The following LRRC57 variants were observed in gnomAD, a reference collection of about 807,000 sequenced individuals.
The protein encoded by LRRC57 is leucine rich repeat containing 57.
In LRRC57, 14 loss-of-function variants were observed where a neutral mutation model predicts 23.1. The observed-to-expected ratio is 0.61, with a 90% CI of 0.40 to 0.95. The LOEUF (loss-of-function observed/expected upper bound fraction) is 0.95. Ranked by LOEUF, LRRC57 falls within the 40% of genes least tolerant of loss-of-function variation. The probability of loss-of-function intolerance (pLI) is 0.00; values close to 1 mark genes in which losing one functional copy is unlikely to be tolerated. For synonymous variants in LRRC57, 106 were observed against 115.2 expected (o/e 0.92, Z 0.51); for missense variants, 236 against 284.4 (o/e 0.83, Z 1.22).
In LRRC57 at chr15:42,548,095, G is replaced by A. The variant is rs746555142; in HGVS notation, c.223+11C>T. 8.1e-6 allele frequency: 13 copies of A among 1,613,796 alleles called. No homozygotes were observed. Among genetic ancestry groups the A allele is most frequent in the African/African-American group, 1.3e-5 (1 of 74,916 alleles). ...GATCACTAGCAAAAGCCTCCCTGGC[G>A]AGAGCCATACTCAGTTTGTTGTTGT... On this transcript the variant is annotated intron_variant, in intron 3 of 5. Coordinates refer to ENST00000397130, the MANE Select transcript of LRRC57 (RefSeq NM_153260.3).
At chr15:42,548,522 GC>G in intron 1 of LRRC57, 66 bp from the exon 2 acceptor site, 1 of 1,330,442 alleles carries the variant, frequency 7.5e-7, no homozygotes, top group Non-Finnish European at 1.0e-6. Context: ...TGGGGCTCCT[GC>G]CCCAGCTCTC....
chr15:42,538,526 T>TG lies in LRRC57; in HGVS notation c.*5556dup, dbSNP rs1314005123. ...TCCAGCCTCAGGCCTCCTCAATAGC[T>TG]GGGACTATAGATGCCTGCCTCTGCC... On this transcript the variant is annotated 3_prime_UTR_variant, in exon 6 of 6. Coordinates refer to ENST00000397130, the MANE Select transcript of LRRC57 (RefSeq NM_153260.3). 6.6e-6 allele frequency: 1 copy of TG among 152,122 alleles called. No homozygotes were observed. The highest frequency in any genetic ancestry group is 1.5e-5 in the Non-Finnish European group (1 of 68,034). 9.4% of individuals were successfully genotyped at this position (152,122 alleles called of 1,614,324 possible).
At chr15:42,544,181 G>T in intron 5 of LRRC57, 57 bp from the exon 6 acceptor site, 1 of 1,361,208 alleles carries the variant, frequency 7.3e-7, no homozygotes, top group Non-Finnish European at 1.0e-6. Context: ...ATAAATATAA[G>T]CCTAACTATT....
At chr15:42,547,922 A>G in intron 3 of LRRC57, 184 bp downstream of exon 3, 1 of 615,890 alleles carries the variant, frequency 1.6e-6, no homozygotes, top group Non-Finnish European at 2.8e-6. Flanking sequence ...ATAACACCCA[A>G]TCATTATAAG....
the LRRC57 span, chr15:42,531,550 G>A: frequency 3.2e-6 from 4 of 1,255,334 alleles, no homozygotes; most frequent in African/African-American, 6.0e-5. Flanking sequence ...CCTTTTCAGA[G>A]TTTAAGTTTT....
Position 42,548,204 on chromosome 15 carries a change from G to T in LRRC57, c.125C>A (p.Thr42Asn). The T allele has an allele frequency of 6.2e-7, 1 of 1,614,186 alleles. No homozygotes were observed. Among genetic ancestry groups the T allele is most frequent in the Non-Finnish European group, 8.5e-7 (1 of 1,180,028 alleles). The change falls in exon 3 of 6, where the codon ACC becomes AAC. Residue 42 changes from threonine to asparagine, a missense_variant. By Grantham distance (65) the Thr-to-Asn change is moderately conservative. Transcript: ENST00000397130. ...GATCTTGTTGTTGGACAAGTCGATGGTCCTGAGATTGCTCGTCAGCTTCTG... is the reference window on the plus strand; with the variant it reads ...GATCTTGTTGTTGGACAAGTCGATGTTCCTGAGATTGCTCGTCAGCTTCTG... ...DLQKLTSNLR[T>N]IDLSNNKIES...
rs186703343 is a variant in LRRC57 at position 42,543,243 on chromosome 15, A to G, written c.*840T>C. ...GAGACAGAGTCTCACTCTGTCACCC[A>G]CGCTGGAGTACAGTGGCATAATCTC... On this transcript the variant is annotated 3_prime_UTR_variant, in exon 6 of 6. Coordinates refer to ENST00000397130, the MANE Select transcript of LRRC57 (RefSeq NM_153260.3). The G allele has an allele frequency of 2.7e-5, 4 of 147,864 alleles. No individual in the cohort carries two copies. The highest frequency in any genetic ancestry group is 1.0e-4 in the African/African-American group (4 of 39,990). 9.2% of individuals were successfully genotyped at this position (147,864 alleles called of 1,614,324 possible).
rs918004723 is a variant in LRRC57, at chr15:42,541,858, C to G, written c.*2225G>C. 12 of 150,844 alleles carry G rather than the reference C, an allele frequency of 8.0e-5. No homozygotes were observed. Among genetic ancestry groups the G allele is most frequent in the African/African-American group, 2.9e-4 (12 of 41,044 alleles). The allele number at this position is 150,844 out of a possible 1,614,324, so 9.3% of individuals were successfully genotyped here. A position where few individuals can be genotyped will look rare whatever the true frequency, so the allele number is the denominator to read the frequency against. Reference sequence around the variant, plus strand: ...CACTGCAAGCTCCGCCTCCCGGGTTCACGCCATTCTCCTGCCTCAGCCTCC... The same window carrying G: ...CACTGCAAGCTCCGCCTCCCGGGTTGACGCCATTCTCCTGCCTCAGCCTCC... On this transcript the variant is annotated 3_prime_UTR_variant, in exon 6 of 6. Coordinates refer to ENST00000397130, the MANE Select transcript of LRRC57 (RefSeq NM_153260.3).
At chr15:42,533,552 C>T (rs2057584325), downstream of LRRC57, among the ~76,000 whole-genome samples, 1 of 152,088 alleles carries the variant, frequency 6.6e-6, no homozygotes, top group East Asian at 1.9e-4. Flanking sequence ...TTTCCTAAAA[C>T]CATTTACCAT....
At position 42,538,959 on chromosome 15, in the gene LRRC57, T is replaced by C. The variant is rs980723556; in HGVS notation, c.*5124A>G. On this transcript the variant is annotated 3_prime_UTR_variant, in exon 6 of 6. Coordinates refer to ENST00000397130, the MANE Select transcript of LRRC57 (RefSeq NM_153260.3). ...CAGCACTTTGGGAGGTAAGGCAGGATTGCTTGAGCCCAGGAGTTTGGGGCC... is the reference window on the plus strand; with the variant it reads ...CAGCACTTTGGGAGGTAAGGCAGGACTGCTTGAGCCCAGGAGTTTGGGGCC... 5 of 150,938 alleles carry C rather than the reference T, an allele frequency of 3.3e-5. No individual in the cohort carries two copies. The highest frequency in any genetic ancestry group is 7.4e-5 in the Non-Finnish European group (5 of 67,802). 9.3% of individuals were successfully genotyped at this position (150,938 alleles called of 1,614,324 possible).
At chr15:42,529,662 C>G in the LRRC57 span, 1 of 1,611,052 alleles carries the variant, frequency 6.2e-7, no homozygotes, top group Non-Finnish European at 8.5e-7. Context: ...AATTAACTGT[C>G]TTCTTGTGAT....
Position 42,548,331 on chromosome 15 carries a change from C to G in LRRC57, c.84+20G>C, listed in dbSNP as rs372872750. 15 of 1,613,996 alleles carry G rather than the reference C, an allele frequency of 9.3e-6. No homozygotes were observed. In the African/African-American group the frequency reaches 1.3e-4, roughly 14 times the overall value. ...TCCCTCTCCCTTTAAGTTCCCTGGTCGTGTCCCTCCCAGTCTCACCTCGGT... is the reference window on the plus strand; with the variant it reads ...TCCCTCTCCCTTTAAGTTCCCTGGTGGTGTCCCTCCCAGTCTCACCTCGGT... On this transcript the variant is annotated intron_variant, in intron 2 of 5. Coordinates refer to ENST00000397130, the MANE Select transcript of LRRC57 (RefSeq NM_153260.3).
In LRRC57 at chr15:42,543,776, C is replaced by T; in HGVS notation, c.*307G>A. On this transcript the variant is annotated 3_prime_UTR_variant, in exon 6 of 6. Transcript: ENST00000397130. ...CTGTTACCAGGCAGCACCCCCTCACCATATAAATAGCAGCTAGCTACTGGT... is the reference window on the plus strand; with the variant it reads ...CTGTTACCAGGCAGCACCCCCTCACTATATAAATAGCAGCTAGCTACTGGT... 3.5e-6 allele frequency: 1 copy of T among 281,896 alleles called. No homozygotes were observed. The allele number at this position is 281,896 out of a possible 1,614,324, so 17.5% of individuals were successfully genotyped here.
rs1276950050 is a variant in LRRC57, at chr15:42,548,457, C to G, written c.-22-1G>C. On this transcript the variant is annotated splice_acceptor_variant, in intron 1 of 5. Transcript: ENST00000397130. LOFTEE classifies it low-confidence loss of function (5UTR_SPLICE). Reference sequence around the variant, plus strand: ...CATCCTAGCGCCGCGGCTCAGGTCCCTGCGGGAAGGAAGCGCTGCTGTCAC... The same window carrying G: ...CATCCTAGCGCCGCGGCTCAGGTCCGTGCGGGAAGGAAGCGCTGCTGTCAC... 6.2e-7 allele frequency: 1 copy of G among 1,611,654 alleles called. No homozygotes were observed. Among genetic ancestry groups the G allele is most frequent in the Non-Finnish European group, 8.5e-7 (1 of 1,179,572 alleles).
Position 42,541,612 on chromosome 15 carries a change from G to C in LRRC57, c.*2471C>G, listed in dbSNP as rs77019792. 6.6e-6 allele frequency: 1 copy of C among 152,146 alleles called. No individual in the cohort carries two copies. The highest frequency in any genetic ancestry group is 2.4e-5 in the African/African-American group (1 of 41,426). 9.4% of individuals were successfully genotyped at this position (152,146 alleles called of 1,614,324 possible). A position where few individuals can be genotyped will look rare whatever the true frequency, so the allele number is the denominator to read the frequency against. On this transcript the variant is annotated 3_prime_UTR_variant, in exon 6 of 6. Coordinates refer to ENST00000397130, the MANE Select transcript of LRRC57 (RefSeq NM_153260.3). The stretch of plus-strand genomic sequence containing the variant: ...TGTGATCTCTTGACTTAATGGATAA[G>C]CTAGGTTTAACCATTATTGAGAACT...
chr15:42,529,511 T>G, the LRRC57 span, among the ~76,000 whole-genome samples: 1 of 152,214 alleles, frequency 6.6e-6, no homozygotes, highest in African/African-American at 2.4e-5. Flanking sequence ...TTGATGAGTC[T>G]CCCAGTTTTT....
chr15:42,528,341 T>A, the LRRC57 span: 1 of 1,614,078 alleles, frequency 6.2e-7, no homozygotes. Flanking sequence ...CAATGTAGTA[T>A]CTAAACAGCC....
intron 3 of LRRC57, 110 bp from the exon 4 acceptor site, chr15:42,547,639 T>C (rs2057667331): frequency 1.0e-6 from 1 of 961,002 alleles, no homozygotes; most frequent in African/African-American, 1.6e-5. Context: ...TTAATATATG[T>C]AAAACTCCCA....
the LRRC57 span, among the ~76,000 whole-genome samples, chr15:42,530,524 C>T: frequency 1.3e-5 from 2 of 152,090 alleles, no homozygotes; most frequent in Non-Finnish European, 1.5e-5. Flanking sequence ...CTTTGAGAGG[C>T]GGAGGCAGGA....
Sources: gnomAD v4.1 joint callset for allele counts (sites outside exome capture counted in the v4.1 genomes callset) on GRCh38, gnomAD v4.1.1 for gene constraint, MANE v1.5 for transcripts, NCBI Gene and HGNC (gene_info 2026-07-23, HGNC 2026-07-21) for gene names.